STXBP6: variants seen among roughly 807,000 people sequenced by gnomAD.
STXBP6 encodes syntaxin binding protein 6.
Under a neutral mutation model 26.9 loss-of-function variants are expected in STXBP6, and 21 were observed. The observed-to-expected ratio is 0.78, with a 90% confidence interval of 0.55 to 1.12. The LOEUF is 1.12. STXBP6 is among the 50% of genes most tolerant of loss of function. The probability of loss-of-function intolerance (pLI) is 0.00; values close to 1 mark genes in which losing one functional copy is unlikely to be tolerated. For synonymous variants in STXBP6, 97 were observed against 92.6 expected, an observed-to-expected ratio of 1.05 and a Z score of -0.27; for missense variants, 232 against 257.9, an observed-to-expected ratio of 0.90 and a Z score of 0.69.
At chr14:24,812,831 C>T in intron 5 of STXBP6, 99 bp from the exon 6 acceptor site, 2 of 1,172,542 alleles carry the variant, frequency 1.7e-6, no homozygotes, top group Non-Finnish European at 2.5e-6. Context: ...CAATGAGAAG[C>T]AGCACCAAGA....
At position 24,943,787 on chromosome 14, in the gene STXBP6, T is replaced by C. The variant is rs141477446; in HGVS notation, c.154+30878A>G. ...TAATGTCTATATCTTGACCTTTAAATAAATCACTAAAAATTTTGAACGGTA... is the reference window on the plus strand; with the variant it reads ...TAATGTCTATATCTTGACCTTTAAACAAATCACTAAAAATTTTGAACGGTA... On this transcript the variant is annotated intron_variant, in intron 2 of 5. Transcript: ENST00000323944. 5.9e-5 allele frequency among the ~76,000 whole-genome samples: 9 copies of C among 152,324 alleles called. No homozygotes were observed. The East Asian group carries it at 1.7e-3, about 29-fold the overall frequency.
At chr14:24,877,084 A>T (rs940190682) in intron 2 of STXBP6, among the ~76,000 whole-genome samples, 4 of 152,214 alleles carry the variant, frequency 2.6e-5, no homozygotes, top group African/African-American at 9.6e-5. Flanking sequence ...AGGGAATGCT[A>T]AGAAGTATGA....
At chr14:25,040,328 TC>T (rs2075623271) in intron 1 of STXBP6, among the ~76,000 whole-genome samples, 1 of 152,224 alleles carries the variant, frequency 6.6e-6, no homozygotes, top group Non-Finnish European at 1.5e-5. Context: ...GAAAGGCATG[TC>T]TGCTCTCATT....
chr14:24,818,197 A>C (rs1031068016), intron 5 of STXBP6: 25 of 453,988 alleles, frequency 5.5e-5, no homozygotes, highest in Admixed American at 2.9e-4. Flanking sequence ...GGCTAAATTC[A>C]AACCACTAAC....
intron 4 of STXBP6, among the ~76,000 whole-genome samples, chr14:24,825,629 C>T (rs1027177180): frequency 3.3e-5 from 5 of 152,138 alleles, no homozygotes; most frequent in African/African-American, 4.8e-5. Flanking sequence ...AGTGGAACAC[C>T]AGCCTACTCC....
intron 1 of STXBP6, among the ~76,000 whole-genome samples, chr14:24,999,308 T>C (rs896999057): frequency 3.3e-5 from 5 of 152,066 alleles, no homozygotes; most frequent in Admixed American, 2.6e-4. Context: ...GAAAAGAATA[T>C]CCTACTTACA....
At chr14:25,042,737 C>G (rs769545604) in intron 1 of STXBP6, among the ~76,000 whole-genome samples, 1 of 152,204 alleles carries the variant, frequency 6.6e-6, no homozygotes, top group African/African-American at 2.4e-5. Context: ...TGCAGAATCT[C>G]AGGCCCCATC....
chr14:24,863,818 A>C (rs954429921), intron 2 of STXBP6, among the ~76,000 whole-genome samples: 1 of 152,192 alleles, frequency 6.6e-6, no homozygotes, highest in Non-Finnish European at 1.5e-5. Flanking sequence ...ATTTGCATGA[A>C]TTTTGGATAA....
intron 1 of STXBP6, among the ~76,000 whole-genome samples, chr14:24,998,414 G>A (rs997932800): frequency 1.3e-5 from 2 of 152,116 alleles, no homozygotes; most frequent in Admixed American, 6.6e-5. Flanking sequence ...TTGTTTACTG[G>A]CTGAGCTAAA....
At chr14:24,891,061 CTG>C (rs1159202584) in intron 2 of STXBP6, among the ~76,000 whole-genome samples, 1 of 152,206 alleles carries the variant, frequency 6.6e-6, no homozygotes, top group East Asian at 1.9e-4. Context: ...CTTCTTGTAT[CTG>C]TCTTCCTCTT....
rs72223372 is a variant in STXBP6, at chr14:24,968,170, AATAT to A, written c.154+6491_154+6494del. Among the ~76,000 whole-genome samples, 793 of 144,348 alleles carry A rather than the reference AATAT, an allele frequency of 5.5e-3. 9 individuals are homozygous for A. Among genetic ancestry groups the A allele is most frequent in the African/African-American group, 0.019 (741 of 39,368 alleles). The allele number at this position is 144,348 out of a possible 152,430, so 94.7% of individuals were successfully genotyped here. A position where few individuals can be genotyped will look rare whatever the true frequency, so the allele number is the denominator to read the frequency against. On this transcript the variant is annotated intron_variant, in intron 2 of 5. Transcript: ENST00000323944. The stretch of plus-strand genomic sequence containing the variant: ...AATATTCACTATTTATATAATAAAG[AATAT>A]ATATATATATATATATAAAATTATT...
At chr14:24,846,168 T>C (rs1261984402) in intron 4 of STXBP6, among the ~76,000 whole-genome samples, 3 of 152,206 alleles carry the variant, frequency 2.0e-5, no homozygotes, top group Admixed American at 2.0e-4. Context: ...CCAAAGACAT[T>C]CTGACTCAAG....
At chr14:25,008,723 G>A (rs1256692834) in intron 1 of STXBP6, among the ~76,000 whole-genome samples, 1 of 152,134 alleles carries the variant, frequency 6.6e-6, no homozygotes, top group Non-Finnish European at 1.5e-5. Context: ...TGGTAAAAGA[G>A]ACTACCAGCT....
At chr14:24,917,994 T>C (rs2071828924) in intron 2 of STXBP6, among the ~76,000 whole-genome samples, 1 of 152,056 alleles carries the variant, frequency 6.6e-6, no homozygotes, top group South Asian at 2.1e-4. Flanking sequence ...ATGCAACAGG[T>C]ACAATGTTGA....
chr14:24,837,667 C>G (rs1455542055), intron 4 of STXBP6, among the ~76,000 whole-genome samples: 1 of 152,106 alleles, frequency 6.6e-6, no homozygotes, highest in East Asian at 1.9e-4. Context: ...CTCATTTCGG[C>G]AAAGGCTAGG....
intron 2 of STXBP6, among the ~76,000 whole-genome samples, chr14:24,924,656 A>G (rs952875444): frequency 3.3e-5 from 5 of 152,170 alleles, no homozygotes; most frequent in Admixed American, 3.3e-4. Context: ...AGAATTCAAT[A>G]AGGCAAGCAT....
At chr14:24,840,411 T>C (rs2068751404) in intron 4 of STXBP6, among the ~76,000 whole-genome samples, 1 of 152,208 alleles carries the variant, frequency 6.6e-6, no homozygotes, top group East Asian at 1.9e-4. Flanking sequence ...CTTTAGCCCA[T>C]CAACAGATTG....
At chr14:25,040,904 C>T (rs1302392587) in intron 1 of STXBP6, among the ~76,000 whole-genome samples, 1 of 151,976 alleles carries the variant, frequency 6.6e-6, no homozygotes, top group Admixed American at 6.5e-5. Context: ...ATGTGGTTGC[C>T]AATGACAAAA....
At chr14:24,900,025 T>C (rs2071156554) in intron 2 of STXBP6, among the ~76,000 whole-genome samples, 1 of 152,192 alleles carries the variant, frequency 6.6e-6, no homozygotes, top group South Asian at 2.1e-4. Context: ...AATTATCTAA[T>C]AGGTGAACAA....
Sources: gnomAD v4.1 joint callset for allele counts (sites outside exome capture counted in the v4.1 genomes callset) on GRCh38, gnomAD v4.1.1 for gene constraint, MANE v1.5 for transcripts, NCBI Gene and HGNC (gene_info 2026-07-23, HGNC 2026-07-21) for gene names.